DDX46: variants seen among roughly 807,000 people sequenced by gnomAD.
The protein encoded by DDX46 is probable ATP-dependent RNA helicase DDX46.
DDX46 carries 30 observed loss-of-function variants against 134.9 expected under a neutral mutation model. The observed-to-expected ratio is 0.22, with a 90% CI of 0.17 to 0.30. DDX46 has a LOEUF of 0.30. Ranked by LOEUF, DDX46 falls within the 10% of genes least tolerant of loss-of-function variation. The pLI is 1.00. For synonymous variants in DDX46, 415 were observed against 404.1 expected, an observed-to-expected ratio of 1.03 and a Z score of -0.32; for missense variants, 622 against 1,248.7, an observed-to-expected ratio of 0.50 and a Z score of 7.56.
At chr5:134,770,563 GC>G (rs1248476400) in intron 3 of DDX46, among the ~76,000 whole-genome samples, 2 of 152,090 alleles carry the variant, frequency 1.3e-5, no homozygotes, top group Non-Finnish European at 2.9e-5. Flanking sequence ...TATAATCCCA[GC>G]ACATTGAGAG....
chr5:134,793,178 G>T (rs116673880), intron 13 of DDX46, among the ~76,000 whole-genome samples: 2,848 of 151,986 alleles, frequency 0.019, 47 homozygotes, highest in Non-Finnish European at 0.031. Flanking sequence ...GGAAAATTTC[G>T]ATTTAGTTTG....
At chr5:134,828,019 G>A (rs1755636864) in intron 22 of DDX46, among the ~76,000 whole-genome samples, 1 of 152,200 alleles carries the variant, frequency 6.6e-6, no homozygotes, top group Admixed American at 6.5e-5. Context: ...AACACATGGT[G>A]TTGTCAGTGT....
intron 15 of DDX46, among the ~76,000 whole-genome samples, chr5:134,806,808 C>T (rs1054734376): frequency 6.6e-6 from 1 of 152,036 alleles, no homozygotes; most frequent in Non-Finnish European, 1.5e-5. Flanking sequence ...CCAGAGTTTC[C>T]TGGGAACCTC....
chr5:134,795,349 G>A (rs1181389027), intron 14 of DDX46, among the ~76,000 whole-genome samples: 2 of 151,706 alleles, frequency 1.3e-5, no homozygotes, highest in South Asian at 2.1e-4. Flanking sequence ...GTGACCTCCC[G>A]GTAACAGGGG....
At chr5:134,786,557 G>A (rs964876040) in intron 11 of DDX46, among the ~76,000 whole-genome samples, 45 of 152,188 alleles carry the variant, frequency 3.0e-4, no homozygotes, top group Non-Finnish European at 1.5e-5. Context: ...TTTAAAAAGT[G>A]ATGGTGGCCA....
chr5:134,820,626 A>G (rs913285344), intron 21 of DDX46, among the ~76,000 whole-genome samples: 2 of 152,142 alleles, frequency 1.3e-5, no homozygotes, highest in Non-Finnish European at 2.9e-5. Context: ...ACTATTTTTA[A>G]AATCTGTAGC....
intron 4 of DDX46, among the ~76,000 whole-genome samples, chr5:134,771,884 G>A (rs948548439): frequency 1.3e-5 from 2 of 152,128 alleles, no homozygotes. Context: ...TACATACAAA[G>A]TGCAGTCTTA....
Position 134,763,921 on chromosome 5 carries a change from C to G in DDX46, c.35C>G (p.Ser12Trp). 1.2e-6 allele frequency: 2 copies of G among 1,613,914 alleles called. No individual in the cohort carries two copies. Among genetic ancestry groups the G allele is most frequent in the Non-Finnish European group, 1.7e-6 (2 of 1,179,922 alleles). Residue 12 changes from serine (S) to tryptophan (W), a missense_variant, in exon 2 of 23, where the codon TCG becomes TGG. Physicochemically the swap from Ser to Trp is radical, Grantham distance 177. Transcript: ENST00000452510. ...TGTTCTAGCCACTATCGAAAACGAT[C>G]GGCATCCCGGGGTCGCTCTGGAAGT... ...GRESRHYRKR[S>W]ASRGRSGSRS...
At chr5:134,762,278 C>T (rs966589695) in intron 1 of DDX46, among the ~76,000 whole-genome samples, 1 of 146,942 alleles carries the variant, frequency 6.8e-6, no homozygotes, top group Non-Finnish European at 1.5e-5. Flanking sequence ...AATTGGTGGG[C>T]GCGGTGGTGT....
rs1753474909 is a variant in DDX46, at chr5:134,763,917, C to T, written c.31C>T (p.Arg11Ter). 6.2e-7 allele frequency: 1 copy of T among 1,613,906 alleles called. No individual in the cohort carries two copies. Among genetic ancestry groups the T allele is most frequent in the Non-Finnish European group, 8.5e-7 (1 of 1,179,910 alleles). Residue 11 changes from arginine to a stop codon, truncating the protein, a stop_gained, in exon 2 of 23, where the codon CGA (arginine) becomes TGA (stop). Coordinates refer to ENST00000452510, the MANE Select transcript of DDX46 (RefSeq NM_001300860.2). LOFTEE classifies it high-confidence loss of function. Reference sequence around the variant, plus strand: ...TTATTGTTCTAGCCACTATCGAAAACGATCGGCATCCCGGGGTCGCTCTGG... The same window carrying T: ...TTATTGTTCTAGCCACTATCGAAAATGATCGGCATCCCGGGGTCGCTCTGG... Reference protein sequence around the residue: MGRESRHYRKRSASRGRSGSR... With the variant: MGRESRHYRK
chr5:134,758,786 C>T lies in DDX46; in HGVS notation c.-153C>T. The T allele has an allele frequency of 8.2e-7, 1 of 1,213,668 alleles. No homozygotes were observed. The highest frequency in any genetic ancestry group is 1.2e-6 in the Non-Finnish European group (1 of 850,050). 75.2% of individuals were successfully genotyped at this position (1,213,668 alleles called of 1,614,324 possible). A position where few individuals can be genotyped will look rare whatever the true frequency, so the allele number is the denominator to read the frequency against. ...TGCCGGCGCCAGCACGTCCTGTTTT[C>T]GTTGGCCGCGCTGGGATGGCCGCCA... On this transcript the variant is annotated 5_prime_UTR_variant, in exon 1 of 23. Coordinates refer to ENST00000452510, the MANE Select transcript of DDX46 (RefSeq NM_001300860.2).
intron 11 of DDX46, among the ~76,000 whole-genome samples, chr5:134,787,641 T>C (rs367618813): frequency 6.6e-6 from 1 of 152,226 alleles, no homozygotes; most frequent in South Asian, 2.1e-4. Context: ...ACGTTGTATT[T>C]ATATAAATGC....
At chr5:134,774,499 GCT>G (rs912668830) in intron 5 of DDX46, among the ~76,000 whole-genome samples, 2 of 152,080 alleles carry the variant, frequency 1.3e-5, no homozygotes, top group African/African-American at 4.8e-5. Flanking sequence ...GATTGTAAAA[GCT>G]CCTTTTAATA....
intron 4 of DDX46, among the ~76,000 whole-genome samples, chr5:134,772,528 A>C (rs1303372019): frequency 6.6e-6 from 1 of 151,968 alleles, no homozygotes; most frequent in African/African-American, 2.4e-5. Flanking sequence ...GGAAAAAAAA[A>C]ATGTAGACTT....
At position 134,812,753 on chromosome 5, in the gene DDX46, T is replaced by G. The variant is rs140721253; in HGVS notation, c.2436+908T>G. 8.5e-5 allele frequency among the ~76,000 whole-genome samples: 13 copies of G among 152,224 alleles called. No individual in the cohort carries two copies. The East Asian group carries it at 2.1e-3, about 25-fold the overall frequency. On this transcript the variant is annotated intron_variant, in intron 18 of 22. Coordinates refer to ENST00000452510, the MANE Select transcript of DDX46 (RefSeq NM_001300860.2). ...CCTGGGTTCAAGCGATTTTCCTGTT[T>G]CAGCCTCCCTAGTAGCTGGGATTAC...
Position 134,770,966 on chromosome 5 carries a change from T to A in DDX46, c.414T>A (p.Asp138Glu), listed in dbSNP as rs755680596. The change falls in exon 4 of 23, where the codon GAT becomes GAA. Residue 138 changes from aspartate to glutamate, a missense_variant. By Grantham distance (45) the Asp-to-Glu change is conservative. This residue lies in a region of DDX46 where 244 missense variants were observed against 349.3 expected (regional missense o/e 0.70). Coordinates refer to ENST00000452510, the MANE Select transcript of DDX46 (RefSeq NM_001300860.2). ...ESSKEKKKDK[D>E]DKEDEKEKDA... ...CTAAAGAGAAGAAAAAAGACAAAGA[T>A]GACAAGGAGGATGAAAAAGAAAAAG... The A allele has an allele frequency of 4.0e-6, 6 of 1,508,440 alleles. No individual in the cohort carries two copies. The highest frequency in any genetic ancestry group is 4.6e-6 in the Non-Finnish European group (5 of 1,096,362). The allele number at this position is 1,508,440 out of a possible 1,614,324, so 93.4% of individuals were successfully genotyped here. A position where few individuals can be genotyped will look rare whatever the true frequency, so the allele number is the denominator to read the frequency against.
chr5:134,783,170 AC>A lies in DDX46; in HGVS notation c.1166+106del. 3 of 1,438,288 alleles carry A rather than the reference AC, an allele frequency of 2.1e-6. No individual in the cohort carries two copies. In the African/African-American group the frequency reaches 4.3e-5, roughly 21 times the overall value. 89.1% of individuals were successfully genotyped at this position (1,438,288 alleles called of 1,614,324 possible). On this transcript the variant is annotated intron_variant, in intron 9 of 22. Coordinates refer to ENST00000452510, the MANE Select transcript of DDX46 (RefSeq NM_001300860.2). Reference sequence around the variant, plus strand: ...ACATTTTTACTCTAAAAAAACCCTTACGTTTTAAAAAACTTTCATTGAGATA... The same window carrying A: ...ACATTTTTACTCTAAAAAAACCCTTAGTTTTAAAAAACTTTCATTGAGATA...
chr5:134,804,309 G>A (rs1754919480), intron 15 of DDX46, among the ~76,000 whole-genome samples: 1 of 152,170 alleles, frequency 6.6e-6, no homozygotes, highest in African/African-American at 2.4e-5. Flanking sequence ...TCTCTAGTAT[G>A]TAGGGTTTGC....
At chr5:134,790,575 G>A (rs1754470668) in intron 13 of DDX46, 23 bp downstream of exon 13, 1 of 1,579,804 alleles carries the variant, frequency 6.3e-7, no homozygotes, top group Non-Finnish European at 8.6e-7. Flanking sequence ...TTTCTTAAGT[G>A]TTTTGAAATG....
Sources: gnomAD v4.1 joint callset for allele counts (sites outside exome capture counted in the v4.1 genomes callset) on GRCh38, gnomAD v4.1.1 for gene constraint, gnomAD v4.1.1 regional missense constraint, MANE v1.5 for transcripts, NCBI Gene and HGNC (gene_info 2026-07-23, HGNC 2026-07-21) for gene names.